NCBP2AS2: variants seen among roughly 807,000 people sequenced by gnomAD.
The protein encoded by NCBP2AS2 is NCBP2 antisense 2 (head to head).
For synonymous variants in NCBP2AS2, 67 were observed against 28.0 expected (o/e 2.39, Z -4.40); for missense variants, 125 against 56.0 (o/e 2.23, Z -3.93).
At position 196,943,137 on chromosome 3, in the gene NCBP2AS2, C is replaced by T. The variant is rs1716698377; in HGVS notation, c.*121C>T. 3.4e-6 allele frequency: 2 copies of T among 589,566 alleles called. No homozygotes were observed. The highest frequency in any genetic ancestry group is 2.0e-5 in the South Asian group (1 of 49,380). 36.5% of individuals were successfully genotyped at this position (589,566 alleles called of 1,614,324 possible). A position where few individuals can be genotyped will look rare whatever the true frequency, so the allele number is the denominator to read the frequency against. The stretch of plus-strand genomic sequence containing the variant: ...TCGAATCCCGACTGGGATTGTTGGC[C>T]TGCAGACATCCCACGCATAAGAGCC... On this transcript the variant is annotated 3_prime_UTR_variant, in exon 1 of 1. Coordinates refer to ENST00000602845, the MANE Select transcript of NCBP2AS2 (RefSeq NM_001355243.2).
At position 196,942,680 on chromosome 3, in the gene NCBP2AS2, G is replaced by T. The variant is rs552117421; in HGVS notation, c.-37G>T. 7.5e-6 allele frequency: 6 copies of T among 795,702 alleles called. No individual in the cohort carries two copies. The highest frequency in any genetic ancestry group is 7.5e-5 in the South Asian group (5 of 66,830). 49.3% of individuals were successfully genotyped at this position (795,702 alleles called of 1,614,324 possible). A position where few individuals can be genotyped will look rare whatever the true frequency, so the allele number is the denominator to read the frequency against. On this transcript the variant is annotated 5_prime_UTR_variant, in exon 1 of 1. Transcript: ENST00000602845. ...GGTCGGGCGCCGCGGGGCGGAAGACGAGGGCGGCGAGGTCGGGTTCCGGGC... is the reference window on the plus strand; with the variant it reads ...GGTCGGGCGCCGCGGGGCGGAAGACTAGGGCGGCGAGGTCGGGTTCCGGGC...
Position 196,943,223 on chromosome 3 carries a change from G to GCC in NCBP2AS2, c.*209_*210dup. ...TTGGACAAGACACAGTGTGGAGACA[G>GCC]CCCTAAGCCTAACAGAGATGAAGGT... On this transcript the variant is annotated 3_prime_UTR_variant, in exon 1 of 1. Transcript: ENST00000602845. The GCC allele has an allele frequency of 1.9e-6, 1 of 534,670 alleles. No homozygotes were observed. Among genetic ancestry groups the GCC allele is most frequent in the Non-Finnish European group, 3.3e-6 (1 of 307,438 alleles). The allele number at this position is 534,670 out of a possible 1,614,324, so 33.1% of individuals were successfully genotyped here.
rs1270876162 is a variant in NCBP2AS2, at chr3:196,942,695, G to A, written c.-22G>A. 1.3e-6 allele frequency: 1 copy of A among 742,928 alleles called. No individual in the cohort carries two copies. The highest frequency in any genetic ancestry group is 2.7e-5 in the East Asian group (1 of 37,142). The allele number at this position is 742,928 out of a possible 1,614,324, so 46.0% of individuals were successfully genotyped here. ...GGCGGAAGACGAGGGCGGCGAGGTCGGGTTCCGGGCGCTTGGAGAAGATGG... is the reference window on the plus strand; with the variant it reads ...GGCGGAAGACGAGGGCGGCGAGGTCAGGTTCCGGGCGCTTGGAGAAGATGG... On this transcript the variant is annotated 5_prime_UTR_variant, in exon 1 of 1. Transcript: ENST00000602845.
Position 196,943,331 on chromosome 3 carries a change from T to A in NCBP2AS2, c.*315T>A. 2.9e-6 allele frequency: 1 copy of A among 339,354 alleles called. No homozygotes were observed. Among genetic ancestry groups the A allele is most frequent in the Non-Finnish European group, 5.3e-6 (1 of 187,198 alleles). The allele number at this position is 339,354 out of a possible 1,614,324, so 21.0% of individuals were successfully genotyped here. A position where few individuals can be genotyped will look rare whatever the true frequency, so the allele number is the denominator to read the frequency against. On this transcript the variant is annotated 3_prime_UTR_variant, in exon 1 of 1. Coordinates refer to ENST00000602845, the MANE Select transcript of NCBP2AS2 (RefSeq NM_001355243.2). ...TCCTCTGCAAGTGGGACTGAAACTC[T>A]TGACAGATGCTGCTCAATCTGACTG...
In NCBP2AS2 at chr3:196,942,727, G is replaced by A; in HGVS notation, c.11G>A (p.Arg4Gln). 1.4e-6 allele frequency: 1 copy of A among 700,584 alleles called. No individual in the cohort carries two copies. The highest frequency in any genetic ancestry group is 2.6e-6 in the Non-Finnish European group (1 of 388,926). 43.4% of individuals were successfully genotyped at this position (700,584 alleles called of 1,614,324 possible). A position where few individuals can be genotyped will look rare whatever the true frequency, so the allele number is the denominator to read the frequency against. MVLRRLLAALLHSP... is the reference protein window; with the variant it reads MVLQRLLAALLHSP... Reference sequence around the variant, plus strand: ...GGGCGCTTGGAGAAGATGGTGCTGCGGCGGCTGCTGGCCGCCCTGCTGCAC... The same window carrying A: ...GGGCGCTTGGAGAAGATGGTGCTGCAGCGGCTGCTGGCCGCCCTGCTGCAC... The change falls in exon 1 of 1, where the codon CGG becomes CAG. Residue 4 changes from arginine to glutamine, a missense_variant. Arg to Gln is a conservative substitution (Grantham distance 43, BLOSUM62 1). Transcript: ENST00000602845.
chr3:196,942,862 G>A lies in NCBP2AS2; in HGVS notation c.146G>A (p.Arg49His), dbSNP rs1452982538. The change falls in exon 1 of 1, where the codon CGC becomes CAC. Residue 49 changes from arginine (R) to histidine (H), a missense_variant. Coordinates refer to ENST00000602845, the MANE Select transcript of NCBP2AS2 (RefSeq NM_001355243.2). The stretch of plus-strand genomic sequence containing the variant: ...CAGCTGCGGGGCCAGGACGCGGCCC[G>A]CCGCCTGCAGGACCTCGCGGCTGGG... ...QAQLRGQDAA[R>H]RLQDLAAGPV... is the part of the protein sequence containing the mutation. 2 of 697,650 alleles carry A rather than the reference G, an allele frequency of 2.9e-6. No homozygotes were observed. Among genetic ancestry groups the A allele is most frequent in the East Asian group, 2.7e-5 (1 of 36,902 alleles). The allele number at this position is 697,650 out of a possible 1,614,324, so 43.2% of individuals were successfully genotyped here. A position where few individuals can be genotyped will look rare whatever the true frequency, so the allele number is the denominator to read the frequency against.
In NCBP2AS2 at chr3:196,943,041, C is replaced by T. The variant is rs335824; in HGVS notation, c.*25C>T. On this transcript the variant is annotated 3_prime_UTR_variant, in exon 1 of 1. Transcript: ENST00000602845. ...ATCCTGGGCTGTGCGGGGCCGAGGC[C>T]GCTTGCTTTTCCTTCCGGGCTCTAC... 0.31 allele frequency: 201,941 copies of T among 647,054 alleles called. 36,721 individuals are homozygous for T. The highest frequency in any genetic ancestry group is 0.76 in the East Asian group (26,299 of 34,420). 40.1% of individuals were successfully genotyped at this position (647,054 alleles called of 1,614,324 possible).
In NCBP2AS2 at chr3:196,942,903, T is replaced by C; in HGVS notation, c.187T>C (p.Cys63Arg). The C allele has an allele frequency of 1.4e-6, 1 of 700,888 alleles. No homozygotes were observed. Among genetic ancestry groups the C allele is most frequent in the African/African-American group, 1.8e-5 (1 of 56,962 alleles). The allele number at this position is 700,888 out of a possible 1,614,324, so 43.4% of individuals were successfully genotyped here. A position where few individuals can be genotyped will look rare whatever the true frequency, so the allele number is the denominator to read the frequency against. Residue 63 changes from cysteine to arginine, a missense_variant, in exon 1 of 1, where the codon TGC becomes CGC. Coordinates refer to ENST00000602845, the MANE Select transcript of NCBP2AS2 (RefSeq NM_001355243.2). ...CGCGGCTGGGCCCGTGGGCTCCCTG[T>C]GCCGCCGCGCTGAGCGATTTAGAGA... ...DLAAGPVGSL[C>R]RRAERFRDAF...
In NCBP2AS2 at chr3:196,943,537, G is replaced by T. The variant is rs1246528438; in HGVS notation, c.*521G>T. 6.5e-6 allele frequency: 1 copy of T among 153,684 alleles called. No individual in the cohort carries two copies. 9.5% of individuals were successfully genotyped at this position (153,684 alleles called of 1,614,324 possible). On this transcript the variant is annotated 3_prime_UTR_variant, in exon 1 of 1. Transcript: ENST00000602845. ...TGGTAATAATAAACACGTATTTTAT[G>T]AAATGAGTCTTCTGTGCTGGGACTT... is the stretch of plus-strand genomic sequence containing the variant.
In NCBP2AS2 at chr3:196,942,780, G is replaced by C. The variant is rs1015498160; in HGVS notation, c.64G>C (p.Glu22Gln). 2.9e-6 allele frequency: 2 copies of C among 700,196 alleles called. No homozygotes were observed. Among genetic ancestry groups the C allele is most frequent in the Non-Finnish European group, 5.2e-6 (2 of 384,216 alleles). 43.4% of individuals were successfully genotyped at this position (700,196 alleles called of 1,614,324 possible). A position where few individuals can be genotyped will look rare whatever the true frequency, so the allele number is the denominator to read the frequency against. ...HSPQLVERLS[E>Q]SRPIRRAAQL... ...CCCGCAGCTGGTGGAACGTCTGTCA[G>C]AGTCGCGGCCTATCCGACGTGCGGC... Residue 22 changes from glutamate (E) to glutamine (Q), a missense_variant, in exon 1 of 1, where the codon GAG becomes CAG. Glu to Gln is a conservative substitution (Grantham distance 29). Coordinates refer to ENST00000602845, the MANE Select transcript of NCBP2AS2 (RefSeq NM_001355243.2).
chr3:196,943,420 T>G lies in NCBP2AS2; in HGVS notation c.*404T>G. The G allele has an allele frequency of 1.1e-5, 2 of 183,628 alleles. No individual in the cohort carries two copies. Among genetic ancestry groups the G allele is most frequent in the Non-Finnish European group, 2.2e-5 (2 of 89,648 alleles). 11.4% of individuals were successfully genotyped at this position (183,628 alleles called of 1,614,324 possible). ...AAAAGACAACCCTACAGCTGCCAAATTCCTTTGATTAAATGTGTGAGCTGG... is the reference window on the plus strand; with the variant it reads ...AAAAGACAACCCTACAGCTGCCAAAGTCCTTTGATTAAATGTGTGAGCTGG... On this transcript the variant is annotated 3_prime_UTR_variant, in exon 1 of 1. Coordinates refer to ENST00000602845, the MANE Select transcript of NCBP2AS2 (RefSeq NM_001355243.2).
At position 196,942,754 on chromosome 3, in the gene NCBP2AS2, G is replaced by A. The variant is rs1393434353; in HGVS notation, c.38G>A (p.Ser13Asn). The A allele has an allele frequency of 1.4e-6, 1 of 701,028 alleles. No homozygotes were observed. Among genetic ancestry groups the A allele is most frequent in the South Asian group, 1.5e-5 (1 of 67,432 alleles). 43.4% of individuals were successfully genotyped at this position (701,028 alleles called of 1,614,324 possible). The stretch of plus-strand genomic sequence containing the variant: ...CGGCTGCTGGCCGCCCTGCTGCACA[G>A]CCCGCAGCTGGTGGAACGTCTGTCA... ...LRRLLAALLH[S>N]PQLVERLSES... Residue 13 changes from serine (S) to asparagine (N), a missense_variant, in exon 1 of 1, where the codon AGC becomes AAC. Coordinates refer to ENST00000602845, the MANE Select transcript of NCBP2AS2 (RefSeq NM_001355243.2).
chr3:196,943,098 C>T lies in NCBP2AS2; in HGVS notation c.*82C>T. ...ATCAATGTGGAGGGGTCATTCCGGG[C>T]ACTGCGCGCGGCTTCGAATCCCGAC... is the stretch of plus-strand genomic sequence containing the variant. On this transcript the variant is annotated 3_prime_UTR_variant, in exon 1 of 1. Transcript: ENST00000602845. 1 of 614,478 alleles carries T rather than the reference C, an allele frequency of 1.6e-6. No homozygotes were observed. Among genetic ancestry groups the T allele is most frequent in the Non-Finnish European group, 2.9e-6 (1 of 348,046 alleles). The allele number at this position is 614,478 out of a possible 1,614,324, so 38.1% of individuals were successfully genotyped here.
Position 196,943,217 on chromosome 3 carries a change from G to GACAA in NCBP2AS2, c.*202_*203insCAAA. ...TTGTGATTGGACAAGACACAGTGTG[G>GACAA]AGACAGCCCTAAGCCTAACAGAGAT... On this transcript the variant is annotated 3_prime_UTR_variant, in exon 1 of 1. Transcript: ENST00000602845. The GACAA allele has an allele frequency of 2.2e-6, 1 of 445,040 alleles. No homozygotes were observed. The allele number at this position is 445,040 out of a possible 1,614,324, so 27.6% of individuals were successfully genotyped here. A position where few individuals can be genotyped will look rare whatever the true frequency, so the allele number is the denominator to read the frequency against.
chr3:196,942,776 G>C lies in NCBP2AS2; in HGVS notation c.60G>C (p.Leu20=), dbSNP rs1481498475. Residue 20 remains leucine (L), a synonymous_variant, in exon 1 of 1, where the codon CTG becomes CTC. Transcript: ENST00000602845. The part of the protein sequence containing the change: ...LLHSPQLVER[L]SESRPIRRAA... ...ACAGCCCGCAGCTGGTGGAACGTCT[G>C]TCAGAGTCGCGGCCTATCCGACGTG... 1.4e-6 allele frequency: 1 copy of C among 700,208 alleles called. No homozygotes were observed. The highest frequency in any genetic ancestry group is 1.5e-5 in the South Asian group (1 of 67,378). 43.4% of individuals were successfully genotyped at this position (700,208 alleles called of 1,614,324 possible).
rs1313494603 is a variant in NCBP2AS2, at chr3:196,943,217, G to GAGGA, written c.*203_*204insGAAG. The GAGGA allele has an allele frequency of 2.2e-6, 1 of 445,026 alleles. No homozygotes were observed. Among genetic ancestry groups the GAGGA allele is most frequent in the African/African-American group, 7.7e-5 (1 of 12,908 alleles). 27.6% of individuals were successfully genotyped at this position (445,026 alleles called of 1,614,324 possible). A position where few individuals can be genotyped will look rare whatever the true frequency, so the allele number is the denominator to read the frequency against. On this transcript the variant is annotated 3_prime_UTR_variant, in exon 1 of 1. Transcript: ENST00000602845. ...TTGTGATTGGACAAGACACAGTGTG[G>GAGGA]AGACAGCCCTAAGCCTAACAGAGAT...
chr3:196,942,754 G>C lies in NCBP2AS2; in HGVS notation c.38G>C (p.Ser13Thr). 1 of 701,028 alleles carries C rather than the reference G, an allele frequency of 1.4e-6. No homozygotes were observed. Among genetic ancestry groups the C allele is most frequent in the East Asian group, 2.7e-5 (1 of 36,996 alleles). The allele number at this position is 701,028 out of a possible 1,614,324, so 43.4% of individuals were successfully genotyped here. A position where few individuals can be genotyped will look rare whatever the true frequency, so the allele number is the denominator to read the frequency against. ...CGGCTGCTGGCCGCCCTGCTGCACA[G>C]CCCGCAGCTGGTGGAACGTCTGTCA... The part of the protein sequence containing the change: ...LRRLLAALLH[S>T]PQLVERLSES... The change falls in exon 1 of 1, where the codon AGC (serine) becomes ACC (threonine). Residue 13 changes from serine to threonine, a missense_variant. Physicochemically the swap from Ser to Thr is moderately conservative, Grantham distance 58 (BLOSUM62 1). Coordinates refer to ENST00000602845, the MANE Select transcript of NCBP2AS2 (RefSeq NM_001355243.2).
At position 196,942,870 on chromosome 3, in the gene NCBP2AS2, C is replaced by T. The variant is rs1716682379; in HGVS notation, c.154C>T (p.Gln52Ter). The change falls in exon 1 of 1, where the codon CAG becomes TAG. Residue 52 changes from glutamine (Q) to a stop codon, truncating the protein, a stop_gained. Transcript: ENST00000602845. LOFTEE classifies it low-confidence loss of function (END_TRUNC). ...GGGCCAGGACGCGGCCCGCCGCCTG[C>T]AGGACCTCGCGGCTGGGCCCGTGGG... ...LRGQDAARRL[Q>*]DLAAGPVGSL... 2 of 699,060 alleles carry T rather than the reference C, an allele frequency of 2.9e-6. No homozygotes were observed. Among genetic ancestry groups the T allele is most frequent in the East Asian group, 2.7e-5 (1 of 37,064 alleles). 43.3% of individuals were successfully genotyped at this position (699,060 alleles called of 1,614,324 possible). A position where few individuals can be genotyped will look rare whatever the true frequency, so the allele number is the denominator to read the frequency against.
rs1040439816 is a variant in NCBP2AS2, at chr3:196,943,127, G to A, written c.*111G>A. The A allele has an allele frequency of 4.4e-5, 26 of 597,256 alleles. No homozygotes were observed. Among genetic ancestry groups the A allele is most frequent in the Non-Finnish European group, 7.6e-5 (26 of 340,094 alleles). 37.0% of individuals were successfully genotyped at this position (597,256 alleles called of 1,614,324 possible). The stretch of plus-strand genomic sequence containing the variant: ...GCGCGCGGCTTCGAATCCCGACTGG[G>A]ATTGTTGGCCTGCAGACATCCCACG... On this transcript the variant is annotated 3_prime_UTR_variant, in exon 1 of 1. Transcript: ENST00000602845.
Sources: gnomAD v4.1 joint callset for allele counts on GRCh38, gnomAD v4.1.1 for gene constraint, MANE v1.5 for transcripts, NCBI Gene and HGNC (gene_info 2026-07-23, HGNC 2026-07-21) for gene names.